The following TNRC6B variants were observed in gnomAD, a reference collection of about 807,000 sequenced individuals.
TNRC6B encodes the protein trinucleotide repeat-containing gene 6B protein.
In TNRC6B, 52 loss-of-function variants were observed where a neutral mutation model predicts 203.6. The observed-to-expected ratio is 0.26, with a 90% CI of 0.20 to 0.32. TNRC6B has a LOEUF of 0.32. Among genes scored for constraint, TNRC6B ranks in the 10% least tolerant of loss-of-function variants. The pLI, the probability that TNRC6B is intolerant of heterozygous loss-of-function variation, is 1.00. For synonymous variants in TNRC6B, 838 were observed against 845.7 expected (o/e 0.99, Z 0.16); for missense variants, 1,923 against 2,286.2 (o/e 0.84, Z 3.24).
rs1306597194 is a variant in TNRC6B at position 40,299,424 on chromosome 22, A to G, written c.3709-1031A>G. Among the ~76,000 whole-genome samples the G allele has an allele frequency of 2.0e-5, 3 of 152,106 alleles. No homozygotes were observed. The East Asian group carries it at 5.8e-4, about 29-fold the overall frequency. ...CCAGCTAATTTTGTATTTTTAGTAG[A>G]GACGGGGTTTCTGCATGTTGGTCAG... On this transcript the variant is annotated intron_variant, in intron 12 of 22. Transcript: ENST00000454349.
rs1414462876 is a variant in TNRC6B at position 40,322,967 on chromosome 22, C to G, written c.5228C>G (p.Ala1743Gly). The change falls in exon 23 of 23, where the codon GCT becomes GGT. Residue 1743 changes from alanine to glycine, a missense_variant. By Grantham distance (60) the Ala-to-Gly change is moderately conservative. Coordinates refer to ENST00000454349, the MANE Select transcript of TNRC6B (RefSeq NM_001162501.2). ...PTPAATPSAPAAGWQSLETGQ... is the reference protein window; with the variant it reads ...PTPAATPSAPGAGWQSLETGQ... Reference sequence around the variant, plus strand: ...CCTGCAGCAACCCCAAGTGCGCCAGCTGCGGGGTGGCAGTCGCTGGAGACC... The same window carrying G: ...CCTGCAGCAACCCCAAGTGCGCCAGGTGCGGGGTGGCAGTCGCTGGAGACC... 2 of 1,612,776 alleles carry G rather than the reference C, an allele frequency of 1.2e-6. No individual in the cohort carries two copies. The highest frequency in any genetic ancestry group is 1.3e-5 in the African/African-American group (1 of 75,066).
At position 40,301,292 on chromosome 22, in the gene TNRC6B, C is replaced by A; in HGVS notation, c.4079C>A (p.Pro1360Gln). 1 of 1,603,618 alleles carries A rather than the reference C, an allele frequency of 6.2e-7. No individual in the cohort carries two copies. Among genetic ancestry groups the A allele is most frequent in the South Asian group, 1.1e-5 (1 of 89,050 alleles). The change falls in exon 15 of 23, where the codon CCA becomes CAA. Residue 1360 changes from proline (P) to glutamine (Q), a missense_variant. This residue lies in a region of TNRC6B where 242 missense variants were observed against 399.5 expected (regional missense o/e 0.61). Transcript: ENST00000454349. ...MVPNALNVGL[P>Q]DLQTKGPIPG... ...CCCAACGCATTGAATGTGGGGCTCC[C>A]AGACCTTCAAACCAAAGGGCCAATA...
At chr22:40,226,948 C>T (rs904736987) in intron 1 of TNRC6B, among the ~76,000 whole-genome samples, 1 of 151,972 alleles carries the variant, frequency 6.6e-6, no homozygotes, top group Non-Finnish European at 1.5e-5. Flanking sequence ...CTTACTCTAT[C>T]ACCTAGGCTG....
intron 1 of TNRC6B, among the ~76,000 whole-genome samples, chr22:40,213,758 G>GATGCC (rs1197042328): frequency 5.9e-5 from 9 of 152,202 alleles, no homozygotes; most frequent in African/African-American, 2.2e-4. Flanking sequence ...GCTTTGGAAA[G>GATGCC]ATGCCAAGAT....
chr22:40,191,858 C>A (rs768395323), intron 1 of TNRC6B, among the ~76,000 whole-genome samples: 6 of 152,238 alleles, frequency 3.9e-5, no homozygotes, highest in Non-Finnish European at 5.9e-5. Context: ...TCAAGCAATT[C>A]TTTTGCCTCA....
chr22:40,256,652 G>T (rs1296465516), intron 3 of TNRC6B, among the ~76,000 whole-genome samples: 5 of 152,164 alleles, frequency 3.3e-5, no homozygotes, highest in Non-Finnish European at 1.5e-5. Flanking sequence ...CCCCACAAGT[G>T]CAGAGTTGAG....
intron 1 of TNRC6B, among the ~76,000 whole-genome samples, chr22:40,076,293 T>C (rs1318318575): frequency 1.3e-5 from 2 of 152,158 alleles, no homozygotes; most frequent in Non-Finnish European, 2.9e-5. Flanking sequence ...AGCATACATC[T>C]GTAGTTCCAG....
At chr22:40,215,184 A>G (rs2069618959) in intron 1 of TNRC6B, among the ~76,000 whole-genome samples, 1 of 152,188 alleles carries the variant, frequency 6.6e-6, no homozygotes, top group Non-Finnish European at 1.5e-5. Flanking sequence ...ATATTGATGT[A>G]TCTTACAATC....
chr22:40,138,586 G>T (rs2068620144), intron 3 of TNRC6B, among the ~76,000 whole-genome samples: 1 of 152,182 alleles, frequency 6.6e-6, no homozygotes, highest in South Asian at 2.1e-4. Flanking sequence ...ACTTTTAACT[G>T]GGTGTGGATT....
intron 19 of TNRC6B, among the ~76,000 whole-genome samples, 200 bp from the exon 20 acceptor site, chr22:40,315,083 G>GT (rs2071239065): frequency 1.3e-5 from 2 of 152,148 alleles, no homozygotes; most frequent in Admixed American, 6.5e-5. Flanking sequence ...TCAATTCAGA[G>GT]TAGTAGTCAC....
chr22:40,188,623 G>T (rs2069235313), intron 1 of TNRC6B, among the ~76,000 whole-genome samples: 1 of 152,114 alleles, frequency 6.6e-6, no homozygotes, highest in Non-Finnish European at 1.5e-5. Flanking sequence ...TCTTGCCGTT[G>T]TTTCCTTTAC....
chr22:40,252,789 T>C (rs1352557431), intron 3 of TNRC6B, among the ~76,000 whole-genome samples: 1 of 152,256 alleles, frequency 6.6e-6, no homozygotes, highest in African/African-American at 2.4e-5. Flanking sequence ...AATAGTGTTA[T>C]GCATACTGGT....
At chr22:40,172,123 G>A (rs2069006152) in intron 4 of TNRC6B, among the ~76,000 whole-genome samples, 1 of 151,928 alleles carries the variant, frequency 6.6e-6, no homozygotes. Flanking sequence ...CAAGAGATCC[G>A]CCTGCCTTAG....
At chr22:40,179,066 A>G (rs371571477) in intron 1 of TNRC6B, among the ~76,000 whole-genome samples, 6 of 152,196 alleles carry the variant, frequency 3.9e-5, no homozygotes, top group Non-Finnish European at 7.3e-5. Context: ...TGTTTCGGCC[A>G]TGTATCCACT....
intron 1 of TNRC6B, among the ~76,000 whole-genome samples, chr22:40,235,514 G>A (rs2069935896): frequency 6.6e-6 from 1 of 152,166 alleles, no homozygotes; most frequent in African/African-American, 2.4e-5. Context: ...TATTGGCATA[G>A]CATAAATCAC....
At chr22:40,144,180 C>T (rs890179346) in intron 3 of TNRC6B, among the ~76,000 whole-genome samples, 3 of 152,160 alleles carry the variant, frequency 2.0e-5, no homozygotes, top group Admixed American at 6.5e-5. Context: ...TAATGTTAAA[C>T]GAACTTCCAC....
chr22:40,288,544 A>ATT (rs778911598), intron 12 of TNRC6B, among the ~76,000 whole-genome samples: 2 of 143,274 alleles, frequency 1.4e-5, no homozygotes, highest in Non-Finnish European at 1.5e-5. Context: ...ATCTCTACAA[A>ATT]TTTTTTTTTT....
rs944253109 is a variant in TNRC6B, at chr22:40,329,908, G to C, written c.*6667G>C. 2.0e-5 allele frequency: 3 copies of C among 152,088 alleles called. No homozygotes were observed. Among genetic ancestry groups the C allele is most frequent in the Admixed American group, 6.5e-5 (1 of 15,278 alleles). The allele number at this position is 152,088 out of a possible 1,614,324, so 9.4% of individuals were successfully genotyped here. ...TTGTTTTTAACAAGAAACTGTACAT[G>C]GCCAGGAAAAATGGTACTACCTTGG... On this transcript the variant is annotated 3_prime_UTR_variant, in exon 23 of 23. Coordinates refer to ENST00000454349, the MANE Select transcript of TNRC6B (RefSeq NM_001162501.2).
chr22:40,049,130 C>T (rs1335920689), intron 1 of TNRC6B, among the ~76,000 whole-genome samples: 1 of 152,004 alleles, frequency 6.6e-6, no homozygotes, highest in Non-Finnish European at 1.5e-5. Flanking sequence ...ACCTGTAATC[C>T]CAGCACTTTG....
Sources: allele counts gnomAD v4.1 joint callset (sites outside exome capture counted in the v4.1 genomes callset), GRCh38; gene constraint gnomAD v4.1.1; regional missense constraint gnomAD v4.1.1; transcripts MANE v1.5; gene names NCBI Gene and HGNC (gene_info 2026-07-23, HGNC 2026-07-21).